The following TCEANC variants were observed in gnomAD, a reference collection of about 807,000 sequenced individuals.
The protein encoded by TCEANC is transcription elongation factor A N-terminal and central domain-containing protein.
TCEANC carries 8 observed loss-of-function variants against 8.7 expected under a neutral mutation model. The observed-to-expected ratio is 0.92, with a 90% CI of 0.54 to 1.65. The LOEUF (loss-of-function observed/expected upper bound fraction) is 1.65, where lower values mean the gene tolerates loss of function less well. TCEANC is among the 40% of genes most tolerant of loss of function. The probability of loss-of-function intolerance (pLI) is 0.00; values close to 1 mark genes in which losing one functional copy is unlikely to be tolerated. For missense variants in TCEANC, 255 were observed against 251.9 expected, an observed-to-expected ratio of 1.01 and a Z score of -0.08; for synonymous variants, 78 against 92.9, an observed-to-expected ratio of 0.84 and a Z score of 0.92.
At chrX:13,663,068 G>A (rs752403318) in exon 2 of TCEANC, 1 of 1,211,639 alleles carries the variant, frequency 8.3e-7, no homozygotes, top group Admixed American at 2.2e-5. Context: ...GCTTTAACTA[G>A]TTCTTCCACA....
chrX:13,663,628 G>A, exon 2 of TCEANC: 1 of 996,833 alleles, frequency 1.0e-6, no homozygotes. Flanking sequence ...CAACCCTTTT[G>A]TGCTTTTAAA....
chrX:13,658,341 G>A (rs1180687084), intron 1 of TCEANC, among the ~76,000 whole-genome samples: 1 of 111,976 alleles, frequency 8.9e-6, no homozygotes, highest in Non-Finnish European at 1.9e-5. Flanking sequence ...CTGAATAAAG[G>A]TGTTATTTAA....
intron 1 of TCEANC, among the ~76,000 whole-genome samples, 46 bp from the exon 4 acceptor site, chrX:13,660,985 C>T (rs1666484085): frequency 9.0e-6 from 1 of 111,337 alleles, no homozygotes; most frequent in Non-Finnish European, 1.9e-5. Flanking sequence ...GCTAGGACTA[C>T]AGGTGCCCGC....
chrX:13,659,649 C>G lies in TCEANC; in HGVS notation c.-8-2852C>G, dbSNP rs1220424439. ...AGCCCTTTTTTTTTTTTTTTTTTGACAGAGTCTCGCTCTGTCGCCAGGTTG... is the reference window on the plus strand; with the variant it reads ...AGCCCTTTTTTTTTTTTTTTTTTGAGAGAGTCTCGCTCTGTCGCCAGGTTG... On this transcript the variant is annotated intron_variant, in intron 1 of 1. Transcript: ENST00000380600. The G allele has an allele frequency of 1.2e-5, 1 of 81,468 alleles. No homozygotes were observed. The highest frequency in any genetic ancestry group is 4.9e-5 in the African/African-American group (1 of 20,407). 6.7% of individuals were successfully genotyped at this position (81,468 alleles called of 1,213,427 possible).
chrX:13,663,252 G>A (rs763353196), exon 2 of TCEANC: 14 of 1,201,379 alleles, frequency 1.2e-5, no homozygotes, highest in African/African-American at 8.8e-5. Flanking sequence ...CTGGGACCAC[G>A]TCTCCACGAG....
chrX:13,663,571 A>G (rs1168348732), exon 2 of TCEANC: 1 of 1,118,657 alleles, frequency 8.9e-7, no homozygotes, highest in African/African-American at 1.8e-5. Flanking sequence ...GTAACTGTAA[A>G]TCAGTGTTCT....
intron 1 of TCEANC, among the ~76,000 whole-genome samples, chrX:13,656,158 C>T (rs1442609077): frequency 2.7e-5 from 3 of 111,917 alleles, no homozygotes; most frequent in African/African-American, 6.5e-5. Flanking sequence ...TGCCATCCTG[C>T]GTGTGTTTCC....
intron 1 of TCEANC, among the ~76,000 whole-genome samples, chrX:13,661,037 G>A (rs978861277): frequency 1.8e-5 from 2 of 110,985 alleles, no homozygotes; most frequent in Non-Finnish European, 3.8e-5. Context: ...GTAGAGATGG[G>A]GTTTCACCAT....
rs371018718 is a variant in TCEANC, at chrX:13,662,760, C to T, written c.252C>T (p.Ser84=). The T allele has an allele frequency of 2.6e-5, 31 of 1,209,758 alleles. No individual in the cohort carries two copies. The East Asian group carries it at 7.4e-4, about 29-fold the overall frequency. Residue 84 remains serine, a synonymous_variant, in exon 2 of 2, where the codon TCC becomes TCT. Coordinates refer to ENST00000380600, the Ensembl canonical transcript of TCEANC. ...AAGCTGTTTATAAGCAGACTCACTCCAAAGCGAGGAACAGCCCTAAATTAT... is the reference window on the plus strand; with the variant it reads ...AAGCTGTTTATAAGCAGACTCACTCTAAAGCGAGGAACAGCCCTAAATTAT...
At chrX:13,657,164 A>G (rs958078751) in intron 1 of TCEANC, among the ~76,000 whole-genome samples, 7 of 112,478 alleles carry the variant, frequency 6.2e-5, no homozygotes, top group East Asian at 2.8e-4. Context: ...ATCTTCCCAG[A>G]CACCATATGA....
exon 2 of TCEANC, chrX:13,662,981 C>T: frequency 8.3e-7 from 1 of 1,211,115 alleles, no homozygotes. Flanking sequence ...GACCCTGAAT[C>T]CACTGGCAAG....
At chrX:13,653,196 A>G (rs1023633126), upstream of TCEANC, 2 of 112,993 alleles carry the variant, frequency 1.8e-5, no homozygotes, top group African/African-American at 6.4e-5. Context: ...TCGGTGAGTC[A>G]TGCTTCAGGT....
At chrX:13,663,574 A>G in exon 2 of TCEANC, 1 of 1,116,380 alleles carries the variant, frequency 9.0e-7, no homozygotes. Context: ...ACTGTAAATC[A>G]GTGTTCTCTT....
chrX:13,660,412 A>G (rs2045957414), intron 1 of TCEANC, among the ~76,000 whole-genome samples: 2 of 111,523 alleles, frequency 1.8e-5, no homozygotes, highest in Middle Eastern at 4.6e-3. Flanking sequence ...CTCCCAAGAA[A>G]ATCCCTGAAC....
At chrX:13,663,645 A>G (rs1446651585) in exon 2 of TCEANC, 1 of 881,510 alleles carries the variant, frequency 1.1e-6, no homozygotes, top group Non-Finnish European at 1.5e-6. Flanking sequence ...TAAAAATCTT[A>G]TACACACTAC....
chrX:13,657,664 C>G (rs1033958294), intron 1 of TCEANC, among the ~76,000 whole-genome samples: 2 of 110,543 alleles, frequency 1.8e-5, no homozygotes, highest in Admixed American at 9.6e-5. Context: ...AAAAAGTAGC[C>G]GGGCGTGGTG....
At chrX:13,660,427 T>C (rs1042989455) in intron 1 of TCEANC, among the ~76,000 whole-genome samples, 3 of 112,050 alleles carry the variant, frequency 2.7e-5, no homozygotes, top group Non-Finnish European at 5.6e-5. Context: ...CTGAACTTTA[T>C]CAGCTGCTCC....
At chrX:13,659,511 C>G (rs977214541) in intron 1 of TCEANC, among the ~76,000 whole-genome samples, 141 bp from the exon 3 acceptor site, 9 of 111,720 alleles carry the variant, frequency 8.1e-5, no homozygotes, top group African/African-American at 2.3e-4. Flanking sequence ...TATAAACAAC[C>G]AAAAAGCACT....
chrX:13,664,090 C>G (rs1460707148), exon 2 of TCEANC: 5 of 123,563 alleles, frequency 4.0e-5, no homozygotes, highest in African/African-American at 1.6e-4. Context: ...TTTCATTCCT[C>G]AAGTTATTTT....
Sources: gnomAD v4.1 joint callset for allele counts (sites outside exome capture counted in the v4.1 genomes callset) on GRCh38, gnomAD v4.1.1 for gene constraint, MANE v1.5 for transcripts, NCBI Gene and HGNC (gene_info 2026-07-23, HGNC 2026-07-21) for gene names.